The following EVC variants were observed in gnomAD, a reference collection of about 807,000 sequenced individuals.
The protein encoded by EVC is EvC ciliary complex subunit 1.
EVC carries 116 observed loss-of-function variants against 118.9 expected under a neutral mutation model. The observed-to-expected ratio is 0.98, with a 90% CI of 0.84 to 1.14. EVC has a LOEUF of 1.14. Among genes scored for constraint, EVC ranks in the 50% most tolerant of loss-of-function variants. The probability of loss-of-function intolerance (pLI) is 0.00; values close to 1 mark genes in which losing one functional copy is unlikely to be tolerated. For synonymous variants in EVC, 619 were observed against 534.7 expected, an observed-to-expected ratio of 1.16 and a Z score of -2.18; for missense variants, 1,401 against 1,246.4, an observed-to-expected ratio of 1.12 and a Z score of -1.87.
chr4:5,794,603 GT>G (rs1198629414), intron 13 of EVC, among the ~76,000 whole-genome samples: 1 of 151,354 alleles, frequency 6.6e-6, no homozygotes, highest in Non-Finnish European at 1.5e-5. Context: ...TAGAGATGGG[GT>G]TTCACCATGT....
Position 5,756,320 on chromosome 4 carries a change from G to C in EVC, c.1521G>C (p.Glu507Asp). The change falls in exon 11 of 21, where the codon GAG (glutamate) becomes GAC (aspartate). Residue 507 changes from glutamate to aspartate, a missense_variant. Glu to Asp is a conservative substitution (Grantham distance 45). Coordinates refer to ENST00000264956, the MANE Select transcript of EVC (RefSeq NM_153717.3). This position sits in a 1 kb window ranked among gnomAD's most constrained non-coding sequence, Gnocchi z 4.2. ...QRLMQCDLEE[E>D]ENVRATEAVV... Reference sequence around the variant, plus strand: ...TGATGCAGTGTGACCTGGAGGAAGAGGAGAATGTCAGAGCCACCGAGGCTG... The same window carrying C: ...TGATGCAGTGTGACCTGGAGGAAGACGAGAATGTCAGAGCCACCGAGGCTG... 1 of 1,612,766 alleles carries C rather than the reference G, an allele frequency of 6.2e-7. No homozygotes were observed. The highest frequency in any genetic ancestry group is 8.5e-7 in the Non-Finnish European group (1 of 1,179,720).
chr4:5,732,227 C>T (rs949682645), intron 4 of EVC, among the ~76,000 whole-genome samples: 2 of 152,172 alleles, frequency 1.3e-5, no homozygotes, highest in South Asian at 2.1e-4. Flanking sequence ...GGGCTCCGCA[C>T]GTGGTGGGGG....
At chr4:5,804,227 C>T (rs1715487810) in intron 16 of EVC, among the ~76,000 whole-genome samples, 1 of 152,164 alleles carries the variant, frequency 6.6e-6, no homozygotes, top group South Asian at 2.1e-4. Flanking sequence ...CGTGAGCCAC[C>T]TCGCCCGGCC....
At chr4:5,770,569 A>G (rs1314053178) in intron 11 of EVC, among the ~76,000 whole-genome samples, 1 of 152,180 alleles carries the variant, frequency 6.6e-6, no homozygotes, top group Admixed American at 6.5e-5. Context: ...GATTCGGAGA[A>G]CACAAGAAGG....
chr4:5,718,033 A>T (rs1724272064), intron 1 of EVC, among the ~76,000 whole-genome samples: 1 of 152,250 alleles, frequency 6.6e-6, no homozygotes. Context: ...CAAACTGGTG[A>T]TGTTTCTTTA....
chr4:5,718,345 A>G (rs1724330476), intron 1 of EVC, among the ~76,000 whole-genome samples: 2 of 152,042 alleles, frequency 1.3e-5, no homozygotes, highest in African/African-American at 4.8e-5. Flanking sequence ...TTAACATTGG[A>G]CTCACAGACA....
rs919300072 is a variant in EVC at position 5,789,791 on chromosome 4, T to G, written c.1777-3817T>G. ...GGTCCAGAGATCTTGACCTTATCGA[T>G]CATCATCGAATCCTGTTGCTAGTTT... On this transcript the variant is annotated intron_variant, in intron 12 of 20. Transcript: ENST00000264956. This position sits in a 1 kb window ranked among gnomAD's most constrained non-coding sequence, Gnocchi z 4.3. Among the ~76,000 whole-genome samples, 13 of 152,164 alleles carry G rather than the reference T, an allele frequency of 8.5e-5. No individual in the cohort carries two copies. Among genetic ancestry groups the G allele is most frequent in the African/African-American group, 3.1e-4 (13 of 41,430 alleles).
At chr4:5,783,920 G>T (rs897867439) in intron 12 of EVC, among the ~76,000 whole-genome samples, 156 bp downstream of exon 12, 5 of 152,210 alleles carry the variant, frequency 3.3e-5, no homozygotes. Flanking sequence ...CACCACAGGG[G>T]TGGGATGAGA....
At chr4:5,758,324 C>A in intron 11 of EVC, 1 of 540,238 alleles carries the variant, frequency 1.9e-6, no homozygotes, top group South Asian at 2.6e-5. Flanking sequence ...CAGTTTGCGG[C>A]GCTTTGTCAT....
chr4:5,731,757 T>C lies in EVC; in HGVS notation c.617+100T>C. 1 of 1,205,620 alleles carries C rather than the reference T, an allele frequency of 8.3e-7. No homozygotes were observed. Among genetic ancestry groups the C allele is most frequent in the East Asian group, 2.5e-5 (1 of 39,340 alleles). 74.7% of individuals were successfully genotyped at this position (1,205,620 alleles called of 1,614,324 possible). A position where few individuals can be genotyped will look rare whatever the true frequency, so the allele number is the denominator to read the frequency against. ...GGAGGAAACAGAGGCCCAGAGAGGT[T>C]CAGTGACTCTGCCAGGGACACACAG... is the stretch of plus-strand genomic sequence containing the variant. On this transcript the variant is annotated intron_variant, in intron 4 of 20. Transcript: ENST00000264956. This position sits in a 1 kb window ranked among gnomAD's most constrained non-coding sequence, Gnocchi z 5.6.
chr4:5,766,534 G>A (rs1285828208), intron 11 of EVC, among the ~76,000 whole-genome samples: 2 of 121,018 alleles, frequency 1.7e-5, no homozygotes, highest in African/African-American at 3.4e-5. Flanking sequence ...ATCACTTTCA[G>A]GTACACCAAT....
chr4:5,748,123 C>T, intron 7 of EVC, 25 bp from the exon 8 acceptor site: 11 of 1,614,118 alleles, frequency 6.8e-6, no homozygotes, highest in Non-Finnish European at 9.3e-6. Flanking sequence ...CACCTCACTT[C>T]TTGCTGCTTG....
chr4:5,766,426 A>G (rs1202377301), intron 11 of EVC, among the ~76,000 whole-genome samples: 2 of 130,248 alleles, frequency 1.5e-5, no homozygotes, highest in Non-Finnish European at 3.2e-5. Context: ...CGTTCTCTGT[A>G]TTTCCTGAAT....
chr4:5,807,602 G>A lies in EVC; in HGVS notation c.2562-599G>A, dbSNP rs573317045. Among the ~76,000 whole-genome samples, 10 of 152,330 alleles carry A rather than the reference G, an allele frequency of 6.6e-5. No individual in the cohort carries two copies. In the East Asian group the frequency reaches 1.7e-3, roughly 27 times the overall value. On this transcript the variant is annotated intron_variant, in intron 17 of 20. Coordinates refer to ENST00000264956, the MANE Select transcript of EVC (RefSeq NM_153717.3). ...GCATCCAGAGAGGGAGGTGGGCCCT[G>A]GGGCTCAGGTACCCGGCCTCTGCTC...
chr4:5,720,616 A>G (rs1363105233), intron 2 of EVC, among the ~76,000 whole-genome samples: 1 of 152,238 alleles, frequency 6.6e-6, no homozygotes, highest in East Asian at 1.9e-4. Context: ...TACTCTGAAC[A>G]ATCAGCTTTT....
chr4:5,793,195 C>A (rs1451493386), intron 12 of EVC, among the ~76,000 whole-genome samples: 1 of 151,920 alleles, frequency 6.6e-6, no homozygotes. Context: ...ACCAATAGAA[C>A]AAAGTACAGA....
chr4:5,828,442 C>G, the EVC span: 8 of 1,591,552 alleles, frequency 5.0e-6, no homozygotes, highest in Non-Finnish European at 6.9e-6. Flanking sequence ...GAGACGCTGT[C>G]GGCTCTGGTC....
In EVC at chr4:5,752,839, G is replaced by A. The variant is rs145645536; in HGVS notation, c.1102G>A (p.Ala368Thr). The change falls in exon 9 of 21, where the codon GCC (alanine) becomes ACC (threonine). Residue 368 changes from alanine (A) to threonine (T), a missense_variant. Coordinates refer to ENST00000264956, the MANE Select transcript of EVC (RefSeq NM_153717.3). ...CDSQELQALD[A>T]LERTMGRAHM... is the part of the protein sequence containing the mutation. Reference sequence around the variant, plus strand: ...TCCTGTGTGTTTCTTTTTGCAGGACGCCCTGGAGAGGACGATGGGGCGGGC... The same window carrying A: ...TCCTGTGTGTTTCTTTTTGCAGGACACCCTGGAGAGGACGATGGGGCGGGC... The A allele has an allele frequency of 1.6e-5, 26 of 1,614,014 alleles. No individual in the cohort carries two copies. The African/African-American group carries it at 1.9e-4, about 12-fold the overall frequency.
chr4:5,711,591 C>G lies in EVC; in HGVS notation c.174+37C>G, dbSNP rs902549730. On this transcript the variant is annotated intron_variant, in intron 1 of 20. Transcript: ENST00000264956. ...GAGCAGACAGCGGCGGGGCGGGGAGCGCGGGGCGCGTGGCTTCTGGGTCCT... is the reference window on the plus strand; with the variant it reads ...GAGCAGACAGCGGCGGGGCGGGGAGGGCGGGGCGCGTGGCTTCTGGGTCCT... 3.1e-4 allele frequency: 357 copies of G among 1,166,978 alleles called. 1 individual carries two copies. The African/African-American group carries it at 5.0e-3, about 16-fold the overall frequency. The allele number at this position is 1,166,978 out of a possible 1,614,324, so 72.3% of individuals were successfully genotyped here. A position where few individuals can be genotyped will look rare whatever the true frequency, so the allele number is the denominator to read the frequency against.
Sources: allele counts gnomAD v4.1 joint callset (sites outside exome capture counted in the v4.1 genomes callset), GRCh38; gene constraint gnomAD v4.1.1; non-coding constraint Gnocchi (gnomAD v3.1); transcripts MANE v1.5; gene names NCBI Gene and HGNC (gene_info 2026-07-23, HGNC 2026-07-21).